Variants in TNS3 observed in about 807,000 individuals in gnomAD.
TNS3 encodes the protein tensin 3.
Under a neutral mutation model 140.9 loss-of-function variants are expected in TNS3, and 45 were observed. The observed-to-expected ratio is 0.32, with a 90% CI of 0.25 to 0.41. The LOEUF is 0.41. Among genes scored for constraint, TNS3 ranks in the 10% least tolerant of loss-of-function variants. The pLI, the probability that TNS3 is intolerant of heterozygous loss-of-function variation, is 1.00. For synonymous variants in TNS3, 815 were observed against 788.4 expected (o/e 1.03, Z -0.56); for missense variants, 1,716 against 1,906.7 (o/e 0.90, Z 1.86).
chr7:47,492,858 A>C (rs948913799), intron 3 of TNS3, among the ~76,000 whole-genome samples: 4 of 152,172 alleles, frequency 2.6e-5, no homozygotes, highest in African/African-American at 9.7e-5. Context: ...CCGGACATGG[A>C]GCTCTGGAGC....
chr7:47,481,134 A>G lies in TNS3; in HGVS notation c.-107T>C, dbSNP rs1797400067. The G allele has an allele frequency of 7.8e-7, 1 of 1,289,702 alleles. No homozygotes were observed. The highest frequency in any genetic ancestry group is 1.5e-5 in the African/African-American group (1 of 65,874). The allele number at this position is 1,289,702 out of a possible 1,614,324, so 79.9% of individuals were successfully genotyped here. Reference sequence around the variant, plus strand: ...CAGTCGGACTTGCACACCGCAGGGAATCACCACCTTTCAAAGAGAGAAGAA... The same window carrying G: ...CAGTCGGACTTGCACACCGCAGGGAGTCACCACCTTTCAAAGAGAGAAGAA... On this transcript the variant is annotated 5_prime_UTR_variant, in exon 4 of 31. Coordinates refer to ENST00000311160, the MANE Select transcript of TNS3 (RefSeq NM_022748.12).
At chr7:47,502,329 A>C (rs2151866381) in intron 3 of TNS3, among the ~76,000 whole-genome samples, 1 of 152,338 alleles carries the variant, frequency 6.6e-6, no homozygotes, top group Non-Finnish European at 1.5e-5. Flanking sequence ...GATGAAAGTT[A>C]ACTGCCAGAC....
chr7:47,532,843 G>T (rs1054418771), intron 1 of TNS3, among the ~76,000 whole-genome samples: 6 of 151,868 alleles, frequency 4.0e-5, no homozygotes. Context: ...TGTTACAGAG[G>T]TATAGTATAA....
intron 20 of TNS3, among the ~76,000 whole-genome samples, chr7:47,334,875 G>A (rs1286730245): frequency 2.6e-5 from 4 of 151,954 alleles, no homozygotes; most frequent in Non-Finnish European, 5.9e-5. Flanking sequence ...CTAAGGTGCT[G>A]GGATTACAGG....
intron 1 of TNS3, among the ~76,000 whole-genome samples, chr7:47,572,289 GCAA>G (rs964751172): frequency 6.6e-6 from 1 of 152,222 alleles, no homozygotes; most frequent in African/African-American, 2.4e-5. Flanking sequence ...ACCGGCAACG[GCAA>G]CGCCTAGGTC....
At chr7:47,466,442 G>A (rs961444596) in intron 4 of TNS3, among the ~76,000 whole-genome samples, 2 of 152,194 alleles carry the variant, frequency 1.3e-5, no homozygotes, top group African/African-American at 2.4e-5. Context: ...CACAGCACCC[G>A]ACCCAGTTCC....
chr7:47,351,995 C>T (rs926680903), intron 17 of TNS3, among the ~76,000 whole-genome samples: 2 of 152,158 alleles, frequency 1.3e-5, no homozygotes, highest in African/African-American at 4.8e-5. Context: ...TATGAACACT[C>T]ACTCTCACGT....
intron 3 of TNS3, among the ~76,000 whole-genome samples, chr7:47,495,148 G>A (rs1584769977): frequency 7.2e-6 from 1 of 138,852 alleles, no homozygotes; most frequent in South Asian, 2.3e-4. Flanking sequence ...CCGAGATTGC[G>A]CCACTGCACC....
intron 27 of TNS3, among the ~76,000 whole-genome samples, chr7:47,285,261 C>G (rs1275318960): frequency 6.6e-6 from 1 of 152,178 alleles, no homozygotes; most frequent in Non-Finnish European, 1.5e-5. Flanking sequence ...GGAATTGAGC[C>G]CACTATTTTT....
chr7:47,305,473 G>A (rs537787600), intron 20 of TNS3, among the ~76,000 whole-genome samples: 38 of 152,376 alleles, frequency 2.5e-4, no homozygotes, highest in South Asian at 4.1e-4. Context: ...CAGGCCCTGC[G>A]GCAGCCGGGC....
At chr7:47,392,607 T>C (rs537321449) in intron 16 of TNS3, among the ~76,000 whole-genome samples, 1 of 152,344 alleles carries the variant, frequency 6.6e-6, no homozygotes, top group Non-Finnish European at 1.5e-5. Context: ...TGGACAGCTC[T>C]GAAGACTAAA....
intron 16 of TNS3, among the ~76,000 whole-genome samples, chr7:47,387,062 T>C (rs1454570409): frequency 6.6e-6 from 1 of 152,238 alleles, no homozygotes; most frequent in Non-Finnish European, 1.5e-5. Context: ...ACAATTTATA[T>C]GCAACTGAAT....
chr7:47,463,677 T>G (rs1252676633), intron 4 of TNS3, among the ~76,000 whole-genome samples: 1 of 152,070 alleles, frequency 6.6e-6, no homozygotes, highest in African/African-American at 2.4e-5. Flanking sequence ...GTGGAAAGGA[T>G]GCCTGTCTGC....
At chr7:47,436,464 G>T (rs1795186234) in intron 7 of TNS3, among the ~76,000 whole-genome samples, 1 of 152,116 alleles carries the variant, frequency 6.6e-6, no homozygotes, top group African/African-American at 2.4e-5. Context: ...AGAGCATTAG[G>T]ACAAATACTT....
chr7:47,290,950 G>A (rs1785661311), intron 27 of TNS3, among the ~76,000 whole-genome samples: 2 of 152,092 alleles, frequency 1.3e-5, no homozygotes, highest in African/African-American at 4.8e-5. Flanking sequence ...TTTAGTAGGT[G>A]AATGGGTTAC....
At chr7:47,566,030 A>C (rs1800422253) in intron 1 of TNS3, among the ~76,000 whole-genome samples, 1 of 151,886 alleles carries the variant, frequency 6.6e-6, no homozygotes, top group South Asian at 2.1e-4. Flanking sequence ...ATTAGTATAC[A>C]TATTGGAAAA....
At chr7:47,532,768 G>A (rs1156420826) in intron 1 of TNS3, among the ~76,000 whole-genome samples, 1 of 152,034 alleles carries the variant, frequency 6.6e-6, no homozygotes, top group Non-Finnish European at 1.5e-5. Context: ...GATCCCATAA[G>A]ACTATTATAA....
At chr7:47,286,035 A>G (rs1785403149) in intron 27 of TNS3, among the ~76,000 whole-genome samples, 1 of 152,214 alleles carries the variant, frequency 6.6e-6, no homozygotes, top group Non-Finnish European at 1.5e-5. Flanking sequence ...TTCAAAACAG[A>G]CTTCACGAGA....
At chr7:47,385,117 T>C (rs1051735063) in intron 16 of TNS3, among the ~76,000 whole-genome samples, 3 of 152,056 alleles carry the variant, frequency 2.0e-5, no homozygotes, top group African/African-American at 4.8e-5. Context: ...TCTCTACCCT[T>C]CTCTGCATCC....
Sources: gnomAD v4.1 joint callset for allele counts (sites outside exome capture counted in the v4.1 genomes callset) on GRCh38, gnomAD v4.1.1 for gene constraint, MANE v1.5 for transcripts, NCBI Gene and HGNC (gene_info 2026-07-23, HGNC 2026-07-21) for gene names.